The following SPADH variants were observed in gnomAD, a reference collection of about 807,000 sequenced individuals.
SPADH encodes spermadhesin family member.
the SPADH span, among the ~76,000 whole-genome samples, chr10:122,673,699 T>C: frequency 1.3e-5 from 2 of 152,142 alleles, no homozygotes; most frequent in South Asian, 2.1e-4. Context: ...TCCTCCTCTT[T>C]CTCTCCCCTT....
chr10:122,675,681 A>G, the SPADH span: 1 of 978,764 alleles, frequency 1.0e-6, no homozygotes, highest in Non-Finnish European at 1.2e-6. Context: ...GTAAATGCAG[A>G]CAAGACTGTT....
the SPADH span, among the ~76,000 whole-genome samples, chr10:122,675,823 G>A: frequency 4.6e-5 from 7 of 152,158 alleles, no homozygotes; most frequent in East Asian, 1.9e-4. Context: ...CTTCATAATC[G>A]CTAATTCCCC....
At chr10:122,675,263 G>A in the SPADH span, among the ~76,000 whole-genome samples, 5 of 152,186 alleles carry the variant, frequency 3.3e-5, no homozygotes, top group African/African-American at 7.2e-5. Flanking sequence ...AATCAGGAAT[G>A]TCTCGGATAA....
the SPADH span, among the ~76,000 whole-genome samples, chr10:122,674,884 A>G: frequency 6.6e-6 from 1 of 152,188 alleles, no homozygotes; most frequent in East Asian, 1.9e-4. Context: ...AACTTTGTCC[A>G]AAGTCGTTCA....
the SPADH span, among the ~76,000 whole-genome samples, chr10:122,674,485 G>T: frequency 0.029 from 4,351 of 152,296 alleles, 96 homozygotes; most frequent in East Asian, 0.12. Context: ...TGCACTTGAG[G>T]TCTGCTTTCT....
At chr10:122,673,834 C>T in the SPADH span, among the ~76,000 whole-genome samples, 1 of 152,188 alleles carries the variant, frequency 6.6e-6, no homozygotes, top group Non-Finnish European at 1.5e-5. Flanking sequence ...ACACTCACGT[C>T]AGGGGCTGCC....
chr10:122,674,903 C>A, the SPADH span, among the ~76,000 whole-genome samples: 1 of 152,184 alleles, frequency 6.6e-6, no homozygotes, highest in African/African-American at 2.4e-5. Context: ...CAGCTCTAGG[C>A]TGCTGGGACA....
At chr10:122,678,594 G>T in the SPADH span, among the ~76,000 whole-genome samples, 10 of 152,190 alleles carry the variant, frequency 6.6e-5, no homozygotes. Context: ...GGAAGACATG[G>T]AAACCATGAG....
the SPADH span, chr10:122,678,872 G>A: frequency 3.3e-3 from 3,270 of 984,432 alleles, 110 homozygotes; most frequent in East Asian, 0.11. Context: ...CAAAGAATAC[G>A]TGGAAGTGCT....
the SPADH span, chr10:122,678,699 A>C: frequency 6.4e-6 from 1 of 155,290 alleles, no homozygotes; most frequent in African/African-American, 2.4e-5. Context: ...AAGAACTGAC[A>C]AACTTTCCTT....
the SPADH span, chr10:122,675,538 A>C: frequency 3.6e-6 from 1 of 280,822 alleles, no homozygotes; most frequent in Non-Finnish European, 5.4e-6. Flanking sequence ...GTCCCTTTGC[A>C]CTCAAGCTCC....
chr10:122,678,256 G>C, the SPADH span, among the ~76,000 whole-genome samples: 1 of 152,170 alleles, frequency 6.6e-6, no homozygotes, highest in Non-Finnish European at 1.5e-5. Context: ...TCCTAGGACT[G>C]AGAACTTCCA....
chr10:122,672,861 T>C, the SPADH span: 1 of 985,384 alleles, frequency 1.0e-6, no homozygotes, highest in Non-Finnish European at 1.2e-6. Flanking sequence ...CTCCTGAGGT[T>C]GGTGCCAGGC....
the SPADH span, among the ~76,000 whole-genome samples, chr10:122,677,868 A>G: frequency 2.6e-5 from 4 of 152,236 alleles, no homozygotes. Flanking sequence ...ATGAAGACCC[A>G]GATGGGGAAA....
the SPADH span, chr10:122,676,842 A>G: frequency 1.0e-6 from 1 of 985,242 alleles, no homozygotes; most frequent in Non-Finnish European, 1.2e-6. Context: ...CGTCTGGATC[A>G]TCGAGTTGAA....
At chr10:122,677,012 A>C in the SPADH span, 1 of 693,064 alleles carries the variant, frequency 1.4e-6, no homozygotes, top group South Asian at 6.4e-5. Context: ...ACACAATTTG[A>C]CGACATTTTC....
chr10:122,676,564 C>T, the SPADH span, among the ~76,000 whole-genome samples: 1 of 152,144 alleles, frequency 6.6e-6, no homozygotes, highest in Admixed American at 6.5e-5. Flanking sequence ...GTGTGGGTCA[C>T]CTAATAAAGT....
the SPADH span, among the ~76,000 whole-genome samples, chr10:122,674,414 T>G: frequency 6.6e-6 from 1 of 152,166 alleles, no homozygotes; most frequent in African/African-American, 2.4e-5. Context: ...TGAAAGGAAT[T>G]TAAGGTAGAT....
chr10:122,672,933 G>T, the SPADH span: 1 of 985,390 alleles, frequency 1.0e-6, no homozygotes, highest in South Asian at 4.7e-5. Flanking sequence ...TATAGGTAAC[G>T]CATGGCCCCA....
Sources: gnomAD v4.1 joint callset for allele counts (sites outside exome capture counted in the v4.1 genomes callset) on GRCh38, gnomAD v4.1.1 for gene constraint, MANE v1.5 for transcripts, NCBI Gene and HGNC (gene_info 2026-07-23, HGNC 2026-07-21) for gene names.